GRM8: variants seen among roughly 807,000 people sequenced by gnomAD.
GRM8 encodes the protein glutamate metabotropic receptor 8, also known as metabotropic glutamate receptor 8.
GRM8 carries 47 observed loss-of-function variants against 87.2 expected under a neutral mutation model. The observed-to-expected ratio is 0.54, with a 90% CI of 0.43 to 0.69. GRM8 has a LOEUF of 0.69. GRM8 is among the 30% of genes least tolerant of loss of function. GRM8 has a pLI of 0.00. For missense variants in GRM8, 1,019 were observed against 1,139.2 expected (o/e 0.89, Z 1.52); for synonymous variants, 396 against 404.5 (o/e 0.98, Z 0.25).
chr7:126,609,359 T>C lies in GRM8; in HGVS notation c.1494+3A>G, dbSNP rs779896697. On this transcript the variant is annotated splice_donor_region_variant and intron_variant, in intron 8 of 10. Coordinates refer to ENST00000339582, the MANE Select transcript of GRM8 (RefSeq NM_000845.3). ...ATTAATATATGTTTATGACGATACT[T>C]GCTTTTAGATGAAGCTGATTGGTCC... The C allele has an allele frequency of 8.7e-6, 14 of 1,611,776 alleles. No individual in the cohort carries two copies. Among genetic ancestry groups the C allele is most frequent in the Admixed American group, 1.7e-5 (1 of 59,858 alleles).
intron 10 of GRM8, among the ~76,000 whole-genome samples, chr7:126,442,460 GA>G (rs1801577266): frequency 6.6e-6 from 1 of 151,886 alleles, no homozygotes; most frequent in African/African-American, 2.4e-5. Flanking sequence ...ACAAGGTGGA[GA>G]AAAATTGTCA....
chr7:126,538,657 T>C (rs1288566920), intron 8 of GRM8, among the ~76,000 whole-genome samples: 1 of 152,092 alleles, frequency 6.6e-6, no homozygotes, highest in Non-Finnish European at 1.5e-5. Flanking sequence ...TTTTGTTGAC[T>C]AGTTTGACAC....
At chr7:127,077,993 G>T (rs1444078247) in intron 3 of GRM8, among the ~76,000 whole-genome samples, 1 of 152,174 alleles carries the variant, frequency 6.6e-6, no homozygotes, top group Non-Finnish European at 1.5e-5. Context: ...GCAATGCACA[G>T]GACAGGTCCT....
chr7:126,878,802 C>T (rs1246531315), intron 6 of GRM8, among the ~76,000 whole-genome samples: 9 of 150,298 alleles, frequency 6.0e-5, no homozygotes, highest in Non-Finnish European at 1.3e-4. Context: ...GCTGGGATTA[C>T]AGGCATGAGC....
intron 7 of GRM8, among the ~76,000 whole-genome samples, chr7:126,697,605 A>AT (rs201297706): frequency 3.0e-4 from 45 of 151,046 alleles, no homozygotes; most frequent in African/African-American, 9.9e-4. Context: ...ATTGTGGGTC[A>AT]TTTTTTTTTC....
At chr7:126,822,805 C>T (rs531291675) in intron 6 of GRM8, among the ~76,000 whole-genome samples, 6 of 152,306 alleles carry the variant, frequency 3.9e-5, no homozygotes, top group African/African-American at 1.4e-4. Context: ...TCTCTGACTA[C>T]ACATTCTTCC....
At chr7:126,840,416 C>T (rs1314043476) in intron 6 of GRM8, among the ~76,000 whole-genome samples, 2 of 152,104 alleles carry the variant, frequency 1.3e-5, no homozygotes, top group African/African-American at 4.8e-5. Context: ...ATAGTATCCA[C>T]TCTAAAATTT....
At chr7:126,880,081 G>A (rs973661557) in intron 6 of GRM8, among the ~76,000 whole-genome samples, 2 of 152,168 alleles carry the variant, frequency 1.3e-5, no homozygotes, top group African/African-American at 4.8e-5. Context: ...CACTATTAAT[G>A]ACCAAATGGT....
rs539721988 is a variant in GRM8 at position 126,976,944 on chromosome 7, T to C, written c.728-72261A>G. 1.4e-4 allele frequency among the ~76,000 whole-genome samples: 21 copies of C among 151,920 alleles called. No homozygotes were observed. The South Asian group carries it at 3.3e-3, about 24-fold the overall frequency. On this transcript the variant is annotated intron_variant, in intron 3 of 10. Coordinates refer to ENST00000339582, the MANE Select transcript of GRM8 (RefSeq NM_000845.3). ...ATTTTACCTTGATTTAGTTGCATAATGAATGCAACACCTATTTTCCACATA... is the reference window on the plus strand; with the variant it reads ...ATTTTACCTTGATTTAGTTGCATAACGAATGCAACACCTATTTTCCACATA...
chr7:127,137,401 G>A (rs986120716), intron 2 of GRM8, among the ~76,000 whole-genome samples: 2 of 152,058 alleles, frequency 1.3e-5, no homozygotes, highest in African/African-American at 4.8e-5. Flanking sequence ...CAGGAACTAT[G>A]TCATATCCAA....
intron 2 of GRM8, among the ~76,000 whole-genome samples, chr7:127,206,539 T>C (rs1795922409): frequency 6.7e-6 from 1 of 149,870 alleles, no homozygotes; most frequent in African/African-American, 2.4e-5. Context: ...CTCATCTGTG[T>C]TGGACTTTTC....
At chr7:126,522,130 C>A (rs1813071139) in intron 9 of GRM8, among the ~76,000 whole-genome samples, 1 of 152,094 alleles carries the variant, frequency 6.6e-6, no homozygotes, top group Non-Finnish European at 1.5e-5. Context: ...CTTGTAGCAG[C>A]CCCAAAGAAG....
At chr7:127,150,649 G>C (rs969314653) in intron 2 of GRM8, among the ~76,000 whole-genome samples, 1 of 152,038 alleles carries the variant, frequency 6.6e-6, no homozygotes. Context: ...GACTGTAAAA[G>C]TCACATCCCA....
At chr7:126,548,701 T>C (rs910836555) in intron 8 of GRM8, among the ~76,000 whole-genome samples, 3 of 152,036 alleles carry the variant, frequency 2.0e-5, no homozygotes, top group Non-Finnish European at 2.9e-5. Flanking sequence ...TAAACAAACA[T>C]AGCAGAAAAG....
intron 7 of GRM8, among the ~76,000 whole-genome samples, chr7:126,715,743 C>T (rs192185095): frequency 2.3e-3 from 354 of 152,266 alleles, no homozygotes; most frequent in Non-Finnish European, 4.0e-3. Flanking sequence ...CTCTATCTCT[C>T]CAACACCAAT....
intron 8 of GRM8, among the ~76,000 whole-genome samples, chr7:126,606,941 T>C (rs968889942): frequency 1.3e-5 from 2 of 152,228 alleles, no homozygotes; most frequent in African/African-American, 4.8e-5. Context: ...TGTAATGGTG[T>C]TGTATGTTAG....
At chr7:127,149,545 A>C (rs1828733615) in intron 2 of GRM8, among the ~76,000 whole-genome samples, 1 of 152,068 alleles carries the variant, frequency 6.6e-6, no homozygotes, top group Non-Finnish European at 1.5e-5. Context: ...ATATGACCTA[A>C]CAATCCCTCT....
chr7:126,916,724 T>C (rs1295905049), intron 3 of GRM8, among the ~76,000 whole-genome samples: 1 of 152,198 alleles, frequency 6.6e-6, no homozygotes, highest in Admixed American at 6.5e-5. Flanking sequence ...AAGAAGAAAC[T>C]GATAGCAGAA....
At chr7:126,781,467 C>G (rs1487581787) in intron 6 of GRM8, among the ~76,000 whole-genome samples, 2 of 152,148 alleles carry the variant, frequency 1.3e-5, no homozygotes, top group African/African-American at 2.4e-5. Context: ...ATTCTATTTG[C>G]AAGTTACTAA....
Sources: allele counts gnomAD v4.1 joint callset (sites outside exome capture counted in the v4.1 genomes callset), GRCh38; gene constraint gnomAD v4.1.1; transcripts MANE v1.5; gene names NCBI Gene and HGNC (gene_info 2026-07-23, HGNC 2026-07-21).